The following SHISA6 variants were observed in gnomAD, a reference collection of about 807,000 sequenced individuals.
SHISA6 encodes shisa family member 6, also known as protein shisa-6.
A neutral mutation model predicts 47.9 loss-of-function variants in SHISA6; 22 were observed. That is an observed-to-expected ratio of 0.46 (90% CI 0.33 to 0.66). The LOEUF is 0.66. Ranked by LOEUF, SHISA6 falls within the 30% of genes least tolerant of loss-of-function variation. The probability of loss-of-function intolerance (pLI) is 0.02; values close to 1 mark genes in which losing one functional copy is unlikely to be tolerated. For missense variants in SHISA6, 680 were observed against 764.6 expected (o/e 0.89, Z 1.30); for synonymous variants, 388 against 337.8 (o/e 1.15, Z -1.63).
At chr17:11,441,698 A>G (rs1028377521) in intron 3 of SHISA6, among the ~76,000 whole-genome samples, 4 of 152,208 alleles carry the variant, frequency 2.6e-5, no homozygotes, top group Non-Finnish European at 4.4e-5. Flanking sequence ...TATACCCACT[A>G]TGAGGCTCAT....
intron 2 of SHISA6, among the ~76,000 whole-genome samples, chr17:11,324,937 C>T (rs988582445): frequency 6.6e-6 from 1 of 152,012 alleles, no homozygotes; most frequent in Non-Finnish European, 1.5e-5. Context: ...TCCCTGGAGC[C>T]CTCCCCACCT....
At chr17:11,506,992 T>A (rs1044540243) in intron 3 of SHISA6, among the ~76,000 whole-genome samples, 2 of 152,178 alleles carry the variant, frequency 1.3e-5, no homozygotes, top group African/African-American at 4.8e-5. Flanking sequence ...TCTAGGCACG[T>A]TGAGGCCATG....
intron 2 of SHISA6, among the ~76,000 whole-genome samples, chr17:11,341,800 C>T (rs1314266841): frequency 1.1e-4 from 17 of 152,168 alleles, no homozygotes; most frequent in Admixed American, 1.1e-3. Context: ...GTTATGATAT[C>T]AGTGCTGTTG....
intron 3 of SHISA6, among the ~76,000 whole-genome samples, chr17:11,498,923 CAGTA>C (rs1399761316): frequency 3.3e-5 from 5 of 152,170 alleles, no homozygotes; most frequent in Non-Finnish European, 7.3e-5. Context: ...AGTCCTCACT[CAGTA>C]AGTGTTTGTT....
chr17:11,455,131 T>C (rs1366815539), intron 3 of SHISA6, among the ~76,000 whole-genome samples: 1 of 152,056 alleles, frequency 6.6e-6, no homozygotes. Flanking sequence ...ATCACGCCAC[T>C]GCACTCCAGC....
intron 1 of SHISA6, among the ~76,000 whole-genome samples, chr17:11,262,842 A>G (rs1205126857): frequency 1.3e-5 from 2 of 152,024 alleles, no homozygotes; most frequent in African/African-American, 4.8e-5. Context: ...TTTCATCTCT[A>G]TGTCCTGTCT....
chr17:11,553,237 AG>A, intron 4 of SHISA6, among the ~76,000 whole-genome samples: 1 of 152,198 alleles, frequency 6.6e-6, no homozygotes, highest in East Asian at 1.9e-4. Flanking sequence ...CAGTAACAGA[AG>A]CCTCAGGAGT....
At chr17:11,455,675 T>C (rs1428530553) in intron 3 of SHISA6, among the ~76,000 whole-genome samples, 1 of 152,126 alleles carries the variant, frequency 6.6e-6, no homozygotes, top group Non-Finnish European at 1.5e-5. Flanking sequence ...GCTGAGCATT[T>C]CCTTTTCCCT....
intron 2 of SHISA6, among the ~76,000 whole-genome samples, chr17:11,267,898 C>T (rs1055367462): frequency 1.3e-5 from 2 of 152,098 alleles, no homozygotes; most frequent in Admixed American, 6.5e-5. Context: ...GGGGACCAAG[C>T]GAAGTCATGA....
chr17:11,493,217 C>CA (rs2071380523), intron 3 of SHISA6, among the ~76,000 whole-genome samples: 1 of 151,462 alleles, frequency 6.6e-6, no homozygotes, highest in Non-Finnish European at 1.5e-5. Context: ...AATGCAACTC[C>CA]TTTTTTTTTC....
intron 3 of SHISA6, among the ~76,000 whole-genome samples, chr17:11,538,912 C>T (rs1001041670): frequency 2.0e-4 from 31 of 152,012 alleles, no homozygotes; most frequent in African/African-American, 6.5e-4. Flanking sequence ...ATCTATATCA[C>T]CTCTTTGTTT....
At chr17:11,492,772 A>G (rs2071375311) in intron 3 of SHISA6, among the ~76,000 whole-genome samples, 1 of 152,172 alleles carries the variant, frequency 6.6e-6, no homozygotes, top group Non-Finnish European at 1.5e-5. Flanking sequence ...CTCAGACCCT[A>G]GCACAGGCTC....
At chr17:11,292,826 T>TTC (rs1245202885) in intron 2 of SHISA6, among the ~76,000 whole-genome samples, 1 of 139,350 alleles carries the variant, frequency 7.2e-6, no homozygotes, top group Non-Finnish European at 1.5e-5. Flanking sequence ...TCAGATTGAT[T>TTC]TTTTTTTTTT....
At chr17:11,311,236 C>G (rs1203696745) in intron 2 of SHISA6, among the ~76,000 whole-genome samples, 1 of 145,512 alleles carries the variant, frequency 6.9e-6, no homozygotes, top group Admixed American at 7.0e-5. Context: ...GAGCCAATAT[C>G]GCACCACTGC....
chr17:11,335,934 C>T (rs7207825), intron 2 of SHISA6, among the ~76,000 whole-genome samples: 30,913 of 151,950 alleles, frequency 0.2, 3,258 homozygotes, highest in South Asian at 0.28. Context: ...TGGTGGCTCA[C>T]ACCTGTAGTC....
At chr17:11,441,112 T>C (rs538323186) in intron 3 of SHISA6, among the ~76,000 whole-genome samples, 1 of 152,330 alleles carries the variant, frequency 6.6e-6, no homozygotes, top group Admixed American at 6.5e-5. Context: ...CTTCCCTCCA[T>C]GACTTCAACT....
intron 3 of SHISA6, among the ~76,000 whole-genome samples, chr17:11,492,332 C>A (rs2071371128): frequency 6.6e-6 from 1 of 152,114 alleles, no homozygotes; most frequent in Admixed American, 6.5e-5. Flanking sequence ...GAACCCTAAC[C>A]CTGACTCATA....
At chr17:11,290,805 A>G (rs192042790) in intron 2 of SHISA6, 1 of 152,160 alleles carries the variant, frequency 6.6e-6, no homozygotes, top group African/African-American at 2.4e-5. Context: ...AAATATTGTC[A>G]GTTACATCCA....
chr17:11,384,699 G>T (rs1913135613), intron 3 of SHISA6, among the ~76,000 whole-genome samples: 1 of 152,168 alleles, frequency 6.6e-6, no homozygotes, highest in Admixed American at 6.5e-5. Context: ...GCTGCAGAGT[G>T]AATGTGACAT....
Sources: gnomAD v4.1 joint callset for allele counts (sites outside exome capture counted in the v4.1 genomes callset) on GRCh38, gnomAD v4.1.1 for gene constraint, MANE v1.5 for transcripts, NCBI Gene and HGNC (gene_info 2026-07-23, HGNC 2026-07-21) for gene names.